TIAM1: variants seen among roughly 807,000 people sequenced by gnomAD.
The protein encoded by TIAM1 is TIAM Rac1 associated GEF 1, also known as rho guanine nucleotide exchange factor TIAM1.
In TIAM1, 65 loss-of-function variants were observed where a neutral mutation model predicts 163.5. The ratio of observed to expected loss-of-function variants is 0.40; its 90% confidence interval spans 0.33 to 0.49. The LOEUF (loss-of-function observed/expected upper bound fraction) is 0.49, where lower values mean the gene tolerates loss of function less well. TIAM1 is among the 20% of genes least tolerant of loss of function. The probability of loss-of-function intolerance (pLI) is 0.77; values close to 1 mark genes in which losing one functional copy is unlikely to be tolerated. For synonymous variants in TIAM1, 833 were observed against 810.1 expected, an observed-to-expected ratio of 1.03 and a Z score of -0.48; for missense variants, 1,789 against 2,044.7, an observed-to-expected ratio of 0.87 and a Z score of 2.41.
At chr21:31,224,789 A>C (rs1301486374) in intron 7 of TIAM1, among the ~76,000 whole-genome samples, 2 of 152,218 alleles carry the variant, frequency 1.3e-5, no homozygotes, top group Admixed American at 1.3e-4. Context: ...TGGAAGGCCC[A>C]TGTCAATTGT....
At chr21:31,540,877 A>C (rs1314818131) in intron 1 of TIAM1, among the ~76,000 whole-genome samples, 2 of 152,232 alleles carry the variant, frequency 1.3e-5, no homozygotes, top group Non-Finnish European at 2.9e-5. Context: ...AGAGAGCCGG[A>C]GATATTGTTC....
At chr21:31,467,601 G>A (rs916257253) in intron 1 of TIAM1, among the ~76,000 whole-genome samples, 2 of 150,950 alleles carry the variant, frequency 1.3e-5, no homozygotes, top group African/African-American at 4.9e-5. Flanking sequence ...ACTCCAGCTT[G>A]GGCAACAAAG....
chr21:31,409,104 C>T (rs1189515953), intron 2 of TIAM1, among the ~76,000 whole-genome samples: 1 of 145,060 alleles, frequency 6.9e-6, no homozygotes, highest in Non-Finnish European at 1.5e-5. Context: ...CTCAGACCTT[C>T]TCCTTTTCTT....
At chr21:31,159,353 T>C (rs1458265070) in intron 16 of TIAM1, among the ~76,000 whole-genome samples, 3 of 151,994 alleles carry the variant, frequency 2.0e-5, no homozygotes, top group East Asian at 1.9e-4. Flanking sequence ...AAAGAGGGGG[T>C]AGACTTTTAA....
intron 1 of TIAM1, among the ~76,000 whole-genome samples, chr21:31,343,185 G>C (rs951082846): frequency 1.3e-5 from 2 of 152,148 alleles, no homozygotes; most frequent in African/African-American, 4.8e-5. Context: ...TTAAGTTGTT[G>C]ATCAGGTATG....
intron 2 of TIAM1, among the ~76,000 whole-genome samples, chr21:31,330,952 T>C (rs917724741): frequency 6.6e-6 from 1 of 152,102 alleles, no homozygotes; most frequent in Non-Finnish European, 1.5e-5. Context: ...CTCGGAAAGG[T>C]AAAATGTGAT....
chr21:31,254,257 T>C (rs923862719), intron 4 of TIAM1, among the ~76,000 whole-genome samples: 5 of 152,228 alleles, frequency 3.3e-5, no homozygotes, highest in Non-Finnish European at 4.4e-5. Flanking sequence ...ATCTCATTGA[T>C]TGACAGCCTG....
chr21:31,496,128 T>TAA (rs145201974), intron 1 of TIAM1, among the ~76,000 whole-genome samples: 132 of 152,108 alleles, frequency 8.7e-4, no homozygotes, highest in Middle Eastern at 3.4e-3. Flanking sequence ...ACTAAAAGTT[T>TAA]AAAAAGTTAA....
intron 23 of TIAM1, among the ~76,000 whole-genome samples, chr21:31,132,579 C>G (rs983384491): frequency 6.6e-6 from 1 of 152,164 alleles, no homozygotes; most frequent in African/African-American, 2.4e-5. Flanking sequence ...ATCTCAGAAG[C>G]GCCACCATGC....
At chr21:31,429,414 G>T in intron 2 of TIAM1, among the ~76,000 whole-genome samples, 1 of 152,052 alleles carries the variant, frequency 6.6e-6, no homozygotes, top group Non-Finnish European at 1.5e-5. Flanking sequence ...CCAAGGAAAT[G>T]ATCCAAGATT....
intron 1 of TIAM1, among the ~76,000 whole-genome samples, chr21:31,514,936 G>A (rs1233663959): frequency 6.6e-6 from 1 of 152,246 alleles, no homozygotes; most frequent in Non-Finnish European, 1.5e-5. Flanking sequence ...AAGCAAGATA[G>A]AGTCACTTTA....
chr21:31,503,612 A>AGGGGAGGGGAGGGGAGGGGAGGGGG (rs1390876774), intron 1 of TIAM1, among the ~76,000 whole-genome samples: 1 of 2,064 alleles, frequency 4.8e-4, no homozygotes, highest in African/African-American at 2.1e-3. Flanking sequence ...AGGGGAGGGG[A>AGGGGAGGGGAGGGGAGGGGAGGGGG]GGGACCTGAA....
chr21:31,525,996 T>C (rs994576535), intron 1 of TIAM1, among the ~76,000 whole-genome samples: 1 of 144,582 alleles, frequency 6.9e-6, no homozygotes, highest in African/African-American at 2.6e-5. Context: ...ATCACGCCAC[T>C]GCACTCAAGC....
chr21:31,201,103 A>G (rs2086176689), intron 12 of TIAM1, among the ~76,000 whole-genome samples: 1 of 152,244 alleles, frequency 6.6e-6, no homozygotes, highest in Non-Finnish European at 1.5e-5. Context: ...TATGAGGAAC[A>G]TGGAACCTGG....
chr21:31,350,185 T>G (rs1176687299), intron 2 of TIAM1, among the ~76,000 whole-genome samples: 1 of 152,114 alleles, frequency 6.6e-6, no homozygotes, highest in African/African-American at 2.4e-5. Flanking sequence ...GAGTCCCTAC[T>G]GTGGGGAAGT....
chr21:31,227,737 C>T (rs1376322460), intron 6 of TIAM1, among the ~76,000 whole-genome samples: 1 of 152,146 alleles, frequency 6.6e-6, no homozygotes, highest in African/African-American at 2.4e-5. Flanking sequence ...AGGTCATTAT[C>T]TTATAGTTTG....
intron 1 of TIAM1, among the ~76,000 whole-genome samples, chr21:31,484,860 G>C (rs1182258910): frequency 2.0e-5 from 3 of 152,210 alleles, no homozygotes; most frequent in African/African-American, 7.2e-5. Context: ...GGGCCTTTCG[G>C]AGGTGACTGG....
chr21:31,202,004 G>A (rs1257690867), intron 12 of TIAM1, among the ~76,000 whole-genome samples: 1 of 151,078 alleles, frequency 6.6e-6, no homozygotes, highest in Middle Eastern at 3.4e-3. Context: ...TTTTTTCTTG[G>A]CTAGTTCCAT....
intron 27 of TIAM1, among the ~76,000 whole-genome samples, chr21:31,122,575 G>A (rs1312142932): frequency 6.6e-6 from 1 of 152,146 alleles, no homozygotes; most frequent in African/African-American, 2.4e-5. Context: ...TAGATGGTAG[G>A]TATGAATTCT....
Sources: allele counts gnomAD v4.1 joint callset (sites outside exome capture counted in the v4.1 genomes callset), GRCh38; gene constraint gnomAD v4.1.1; transcripts MANE v1.5; gene names NCBI Gene and HGNC (gene_info 2026-07-23, HGNC 2026-07-21).